The following BAIAP2 variants were observed in gnomAD, a reference collection of about 807,000 sequenced individuals.
BAIAP2 encodes the protein BAR/IMD domain-containing adapter protein 2.
A neutral mutation model predicts 63.0 loss-of-function variants in BAIAP2; 18 were observed. That is an observed-to-expected ratio of 0.29 (90% CI 0.20 to 0.42). The LOEUF (loss-of-function observed/expected upper bound fraction) is 0.42, where lower values mean the gene tolerates loss of function less well. Among genes scored for constraint, BAIAP2 ranks in the 10% least tolerant of loss-of-function variants. The pLI, the probability that BAIAP2 is intolerant of heterozygous loss-of-function variation, is 1.00. For synonymous variants in BAIAP2, 386 were observed against 307.6 expected (o/e 1.25, Z -2.67); for missense variants, 610 against 734.3 (o/e 0.83, Z 1.96).
intron 1 of BAIAP2, among the ~76,000 whole-genome samples, chr17:81,035,588 C>G (rs992004610): frequency 6.7e-6 from 1 of 150,260 alleles, no homozygotes; most frequent in African/African-American, 2.4e-5. Context: ...GAGCACTCCC[C>G]GCTCCGACGG....
intron 3 of BAIAP2, among the ~76,000 whole-genome samples, chr17:81,058,348 G>C (rs192441951): frequency 6.6e-6 from 1 of 152,244 alleles, no homozygotes; most frequent in Non-Finnish European, 1.5e-5. Context: ...GTGTGGCCCT[G>C]AGGAAGACAC....
At chr17:81,045,857 A>G (rs1411505469) in intron 1 of BAIAP2, among the ~76,000 whole-genome samples, 5 of 152,064 alleles carry the variant, frequency 3.3e-5, no homozygotes, top group Admixed American at 3.3e-4. Flanking sequence ...GGAGAAGCCT[A>G]GTGGCCCCTC....
At chr17:81,107,010 G>A (rs1168660668) in intron 12 of BAIAP2, 103 bp downstream of exon 12, 2 of 1,356,256 alleles carry the variant, frequency 1.5e-6, no homozygotes, top group Admixed American at 2.9e-5. Context: ...GGCGCCTGGG[G>A]GTCTGGGTCT....
chr17:81,036,734 G>A lies in BAIAP2; in HGVS notation c.54+1426G>A, dbSNP rs1470659209. 16 of 788,872 alleles carry A rather than the reference G, an allele frequency of 2.0e-5. No homozygotes were observed. The African/African-American group carries it at 2.8e-4, about 14-fold the overall frequency. 48.9% of individuals were successfully genotyped at this position (788,872 alleles called of 1,614,324 possible). The stretch of plus-strand genomic sequence containing the variant: ...AAGGCACAGGCCCTGGGGTTGTTAG[G>A]TTTGGTTTCACAGAGTCTGTGGCAT... On this transcript the variant is annotated intron_variant, in intron 1 of 13. Transcript: ENST00000428708.
At chr17:81,109,881 G>A (rs989525162) in intron 13 of BAIAP2, 1 of 985,178 alleles carries the variant, frequency 1.0e-6, no homozygotes, top group African/African-American at 1.7e-5. Context: ...GCTGCTCTGG[G>A]CAGGGTGTGC....
At chr17:81,082,074 GCCAGCGTGGTCCTGGAGACTGAT>G (rs2054709995) in intron 3 of BAIAP2, among the ~76,000 whole-genome samples, 1 of 152,042 alleles carries the variant, frequency 6.6e-6, no homozygotes, top group South Asian at 2.1e-4. Flanking sequence ...TGGCCCCGGG[GCCAGCGTGGTCCTGGAGACTGAT>G]CCAGCATGAC....
Position 81,116,533 on chromosome 17 carries a change from C to A in BAIAP2, c.*694C>A. 1 of 599,756 alleles carries A rather than the reference C, an allele frequency of 1.7e-6. No individual in the cohort carries two copies. The highest frequency in any genetic ancestry group is 2.9e-6 in the Non-Finnish European group (1 of 345,552). 37.2% of individuals were successfully genotyped at this position (599,756 alleles called of 1,614,324 possible). Reference sequence around the variant, plus strand: ...GCCAGGGCCTCCCAGCTCGCTCCTGCGGCCAAAGGCCAGCTGTCAGGTGCT... The same window carrying A: ...GCCAGGGCCTCCCAGCTCGCTCCTGAGGCCAAAGGCCAGCTGTCAGGTGCT... On this transcript the variant is annotated 3_prime_UTR_variant, in exon 14 of 14. Coordinates refer to ENST00000428708, the MANE Select transcript of BAIAP2 (RefSeq NM_001144888.2).
intron 3 of BAIAP2, among the ~76,000 whole-genome samples, chr17:81,074,098 G>A (rs1263569682): frequency 6.6e-6 from 1 of 152,276 alleles, no homozygotes; most frequent in East Asian, 1.9e-4. Flanking sequence ...AGCATGGTGT[G>A]TGCTGTTGAT....
chr17:81,068,904 C>G (rs1181976890), intron 3 of BAIAP2, among the ~76,000 whole-genome samples: 1 of 152,192 alleles, frequency 6.6e-6, no homozygotes, highest in Admixed American at 6.5e-5. Context: ...CCCAGACATG[C>G]TCCTGTGTGC....
intron 1 of BAIAP2, 63 bp downstream of exon 1, chr17:81,035,371 C>T: frequency 9.2e-7 from 1 of 1,086,164 alleles, no homozygotes; most frequent in Non-Finnish European, 1.1e-6. Context: ...GCGCCGCCCG[C>T]GCGCCCGAGC....
intron 3 of BAIAP2, among the ~76,000 whole-genome samples, chr17:81,060,493 C>T (rs950416653): frequency 4.6e-5 from 7 of 152,138 alleles, no homozygotes; most frequent in African/African-American, 7.2e-5. Context: ...ACATGTTTAC[C>T]GTCCCTCTGT....
At chr17:81,100,209 C>T (rs1042678019) in intron 7 of BAIAP2, 129 bp downstream of exon 7, 34 of 1,299,098 alleles carry the variant, frequency 2.6e-5, no homozygotes, top group African/African-American at 2.3e-4. Flanking sequence ...TCGTTTATTT[C>T]GGGTTTTCTT....
chr17:81,073,003 C>T lies in BAIAP2; in HGVS notation c.218-11829C>T, dbSNP rs943485456. Among the ~76,000 whole-genome samples, 6 of 152,110 alleles carry T rather than the reference C, an allele frequency of 3.9e-5. No individual in the cohort carries two copies. The East Asian group carries it at 9.7e-4, about 25-fold the overall frequency. The stretch of plus-strand genomic sequence containing the variant: ...TGGCCTGGAGCCCCTTCCCACAGCC[C>T]TGGGTATTGGGTGCCTGTCACCTCC... On this transcript the variant is annotated intron_variant, in intron 3 of 13. Coordinates refer to ENST00000428708, the MANE Select transcript of BAIAP2 (RefSeq NM_001144888.2).
At chr17:81,113,897 G>A (rs1017246069) in intron 13 of BAIAP2, among the ~76,000 whole-genome samples, 3 of 151,832 alleles carry the variant, frequency 2.0e-5, no homozygotes, top group Non-Finnish European at 2.9e-5. Flanking sequence ...TGAGAACCAC[G>A]CGGCTGCACT....
rs1442523332 is a variant in BAIAP2, at chr17:81,046,696, C to T, written c.55-6972C>T. Among the ~76,000 whole-genome samples, 2 of 152,222 alleles carry T rather than the reference C, an allele frequency of 1.3e-5. No homozygotes were observed. Among genetic ancestry groups the T allele is most frequent in the Admixed American group, 1.3e-4 (2 of 15,284 alleles). ...TCTGAGGTGTCCTCCCGCGAGGACA[C>T]TGTCCACTGCTGCAGGGCCCCTCCT... On this transcript the variant is annotated intron_variant, in intron 1 of 13. Transcript: ENST00000428708. This position sits in a 1 kb window ranked among gnomAD's most constrained non-coding sequence, Gnocchi z 4.5.
At position 81,112,271 on chromosome 17, in the gene BAIAP2, C is replaced by T. The variant is rs567409701; in HGVS notation, c.1536-3499C>T. Among the ~76,000 whole-genome samples, 4 of 152,342 alleles carry T rather than the reference C, an allele frequency of 2.6e-5. No homozygotes were observed. The South Asian group carries it at 6.2e-4, about 24-fold the overall frequency. ...GGCTGGCACAGCCTCTGTCAGGGAC[C>T]ACGTCCCTTGGAGGGCAGAGACCCT... On this transcript the variant is annotated intron_variant, in intron 13 of 13. Transcript: ENST00000428708.
chr17:81,106,543 G>C (rs1405544996), intron 11 of BAIAP2, among the ~76,000 whole-genome samples: 1 of 152,186 alleles, frequency 6.6e-6, no homozygotes, highest in South Asian at 2.1e-4. Flanking sequence ...GAGTCCTCCC[G>C]GCTTAGCTTC....
intron 3 of BAIAP2, among the ~76,000 whole-genome samples, chr17:81,082,661 C>T (rs1481290710): frequency 1.3e-5 from 2 of 152,218 alleles, no homozygotes; most frequent in Non-Finnish European, 2.9e-5. Flanking sequence ...TTCCTCTTCT[C>T]CCTCCACAGA....
chr17:81,049,119 C>T (rs186881581), intron 1 of BAIAP2, among the ~76,000 whole-genome samples: 12 of 152,358 alleles, frequency 7.9e-5, no homozygotes, highest in Admixed American at 7.2e-4. Context: ...GCGTGGTCGC[C>T]GGGGGCACAG....
Sources: allele counts gnomAD v4.1 joint callset (sites outside exome capture counted in the v4.1 genomes callset), GRCh38; gene constraint gnomAD v4.1.1; non-coding constraint Gnocchi (gnomAD v3.1); transcripts MANE v1.5; gene names NCBI Gene and HGNC (gene_info 2026-07-23, HGNC 2026-07-21).